Variants in PHACTR1 observed in about 807,000 individuals in gnomAD.
The protein encoded by PHACTR1 is phosphatase and actin regulator 1.
In PHACTR1, 16 loss-of-function variants were observed where a neutral mutation model predicts 69.2. That is an observed-to-expected ratio of 0.23 (90% CI 0.16 to 0.35). The LOEUF (loss-of-function observed/expected upper bound fraction) is 0.35. Among genes scored for constraint, PHACTR1 ranks in the 10% least tolerant of loss-of-function variants. The pLI, the probability that PHACTR1 is intolerant of heterozygous loss-of-function variation, is 1.00. For synonymous variants in PHACTR1, 312 were observed against 284.5 expected (o/e 1.10, Z -0.97); for missense variants, 510 against 734.7 (o/e 0.69, Z 3.54).
chr6:13,281,239 A>AC (rs1780122539), intron 12 of PHACTR1: 2 of 788,398 alleles, frequency 2.5e-6, no homozygotes, highest in Non-Finnish European at 3.5e-6. Flanking sequence ...AACTTTTCTC[A>AC]CATCATGGGT....
chr6:12,764,523 C>T (rs4583985), intron 4 of PHACTR1, among the ~76,000 whole-genome samples: 10,451 of 151,794 alleles, frequency 0.069, 440 homozygotes, highest in Admixed American at 0.1. Flanking sequence ...TTATTTTTTC[C>T]CTGAAGTCCT....
intron 10 of PHACTR1, among the ~76,000 whole-genome samples, chr6:13,242,040 A>T (rs1772928896): frequency 6.6e-6 from 1 of 151,688 alleles, no homozygotes; most frequent in African/African-American, 2.4e-5. Flanking sequence ...TGTCTCAAAA[A>T]AAAAAAAAAA....
At chr6:12,961,440 A>G (rs6458568) in intron 4 of PHACTR1, among the ~76,000 whole-genome samples, 75,844 of 152,102 alleles carry the variant, frequency 0.5, 21,586 homozygotes, top group African/African-American at 0.78. Context: ...AAATCATGCC[A>G]TTGAGTCAGT....
intron 7 of PHACTR1, among the ~76,000 whole-genome samples, chr6:13,194,209 C>G (rs753930365): frequency 1.3e-5 from 2 of 152,076 alleles, no homozygotes; most frequent in Non-Finnish European, 2.9e-5. Flanking sequence ...TCAAGACCAT[C>G]CTGGCCAACA....
intron 4 of PHACTR1, among the ~76,000 whole-genome samples, chr6:12,970,175 A>G (rs960859100): frequency 1.1e-4 from 16 of 152,218 alleles, no homozygotes; most frequent in Admixed American, 1.0e-3. Flanking sequence ...GTAATTAAAT[A>G]CTGTGGACTT....
chr6:12,819,018 A>T (rs1307247612), intron 4 of PHACTR1, among the ~76,000 whole-genome samples: 1 of 152,192 alleles, frequency 6.6e-6, no homozygotes, highest in Non-Finnish European at 1.5e-5. Flanking sequence ...ACAAAACAAC[A>T]CTACAACTGC....
chr6:13,086,267 G>A (rs1812289212), intron 5 of PHACTR1, among the ~76,000 whole-genome samples: 1 of 151,938 alleles, frequency 6.6e-6, no homozygotes. Context: ...AATAGAAAAG[G>A]CAACTAAACT....
chr6:12,943,313 C>A (rs1230623886), intron 4 of PHACTR1, among the ~76,000 whole-genome samples: 1 of 152,182 alleles, frequency 6.6e-6, no homozygotes, highest in African/African-American at 2.4e-5. Flanking sequence ...GGCAAATTCA[C>A]AGAGACAGGA....
intron 10 of PHACTR1, among the ~76,000 whole-genome samples, chr6:13,236,534 G>A (rs1772014532): frequency 1.3e-5 from 2 of 152,116 alleles, no homozygotes; most frequent in African/African-American, 4.8e-5. Flanking sequence ...TGTTTGCTGG[G>A]AATCTTTGGT....
At chr6:12,719,696 G>A (rs773598579) in intron 3 of PHACTR1, among the ~76,000 whole-genome samples, 2 of 152,218 alleles carry the variant, frequency 1.3e-5, no homozygotes, top group Non-Finnish European at 2.9e-5. Flanking sequence ...AGATAATGCA[G>A]TCAGTTTTTA....
At chr6:12,978,275 C>T (rs1431184998) in intron 4 of PHACTR1, among the ~76,000 whole-genome samples, 3 of 152,190 alleles carry the variant, frequency 2.0e-5, no homozygotes, top group African/African-American at 7.2e-5. Context: ...TTCTCTCTCC[C>T]TGATTTTCCA....
chr6:13,244,043 G>A (rs1434426744), intron 10 of PHACTR1, among the ~76,000 whole-genome samples: 1 of 152,130 alleles, frequency 6.6e-6, no homozygotes, highest in Non-Finnish European at 1.5e-5. Flanking sequence ...AATCACGTAG[G>A]TTCTTTTCTA....
intron 4 of PHACTR1, among the ~76,000 whole-genome samples, chr6:12,800,828 A>G (rs1283924347): frequency 2.6e-5 from 4 of 152,160 alleles, no homozygotes; most frequent in Admixed American, 2.6e-4. Flanking sequence ...GTCCAAGGCT[A>G]CAGTGAGCCC....
intron 3 of PHACTR1, among the ~76,000 whole-genome samples, chr6:12,728,727 A>C (rs1239812176): frequency 6.6e-6 from 1 of 152,334 alleles, no homozygotes; most frequent in Non-Finnish European, 1.5e-5. Context: ...TAACTCTTTC[A>C]TAATAATCAT....
chr6:12,732,571 A>G (rs181245399), intron 3 of PHACTR1, among the ~76,000 whole-genome samples: 11 of 152,134 alleles, frequency 7.2e-5, no homozygotes, highest in African/African-American at 2.6e-4. Context: ...GTAAGAACGT[A>G]CAGTGTTTGG....
At chr6:12,717,771 T>C (rs1581388938) in intron 2 of PHACTR1, 28 bp downstream of exon 2, 1 of 152,182 alleles carries the variant, frequency 6.6e-6, no homozygotes, top group Admixed American at 6.5e-5. Flanking sequence ...TGGGGTACCT[T>C]TGGGTATTTT....
Position 13,205,912 on chromosome 6 carries a change from A to G in PHACTR1, c.762A>G (p.Pro254=). 6.2e-7 allele frequency: 1 copy of G among 1,613,840 alleles called. No homozygotes were observed. Among genetic ancestry groups the G allele is most frequent in the Non-Finnish European group, 8.5e-7 (1 of 1,179,746 alleles). ...KVMICMPVGG[P]DLSLVSYTAQ... is the part of the protein sequence containing the mutation. The stretch of plus-strand genomic sequence containing the variant: ...TGATCTGTATGCCCGTGGGGGGGCC[A>G]GACCTCTCACTGGTGTCCTACACAG... The change falls in exon 8 of 15, where the codon CCA becomes CCG. Residue 254 remains proline (P), a synonymous_variant. Coordinates refer to ENST00000332995, the MANE Select transcript of PHACTR1 (RefSeq NM_030948.6).
In PHACTR1 at chr6:13,276,501, G is replaced by C. The variant is rs141965285; in HGVS notation, c.1448-1767G>C. ...AAGACCTGTCCCAAGGCCGGGCGCG[G>C]TGGCTCACGCCTATAATCCCAGCAC... On this transcript the variant is annotated intron_variant, in intron 11 of 14. Coordinates refer to ENST00000332995, the MANE Select transcript of PHACTR1 (RefSeq NM_030948.6). Among the ~76,000 whole-genome samples the C allele has an allele frequency of 5.0e-3, 762 of 152,322 alleles. 6 individuals are homozygous for C. Among genetic ancestry groups the C allele is most frequent in the African/African-American group, 0.018 (736 of 41,564 alleles).
At chr6:12,787,232 G>T (rs1488754797) in intron 4 of PHACTR1, among the ~76,000 whole-genome samples, 1 of 152,170 alleles carries the variant, frequency 6.6e-6, no homozygotes, top group Non-Finnish European at 1.5e-5. Flanking sequence ...CCATTGAAAA[G>T]GTTGCTGTTT....
Sources: gnomAD v4.1 joint callset for allele counts (sites outside exome capture counted in the v4.1 genomes callset) on GRCh38, gnomAD v4.1.1 for gene constraint, MANE v1.5 for transcripts, NCBI Gene and HGNC (gene_info 2026-07-23, HGNC 2026-07-21) for gene names.